Variants in FKBP9 observed in about 807,000 individuals in gnomAD.
The protein encoded by FKBP9 is peptidyl-prolyl cis-trans isomerase FKBP9.
FKBP9 carries 27 observed loss-of-function variants against 55.6 expected under a neutral mutation model. The ratio of observed to expected loss-of-function variants is 0.49; its 90% CI spans 0.36 to 0.67. The LOEUF (loss-of-function observed/expected upper bound fraction) is 0.67, where lower values mean the gene tolerates loss of function less well. Among genes scored for constraint, FKBP9 ranks in the 30% least tolerant of loss-of-function variants. FKBP9 has a pLI of 0.00. For missense variants in FKBP9, 539 were observed against 742.8 expected, an observed-to-expected ratio of 0.73 and a Z score of 3.19; for synonymous variants, 267 against 296.5, an observed-to-expected ratio of 0.90 and a Z score of 1.02.
intron 6 of FKBP9, among the ~76,000 whole-genome samples, chr7:32,994,825 C>T (rs1784753390): frequency 1.3e-5 from 2 of 151,776 alleles, no homozygotes; most frequent in African/African-American, 4.8e-5. Flanking sequence ...AGGAGAGAGA[C>T]CAATCAAGAA....
chr7:32,965,403 T>A (rs543117722), intron 1 of FKBP9, among the ~76,000 whole-genome samples: 1 of 152,200 alleles, frequency 6.6e-6, no homozygotes, highest in South Asian at 2.1e-4. Flanking sequence ...CGTGCTGGGA[T>A]TACCGCTTGA....
chr7:33,001,462 G>T (rs1784931351), intron 8 of FKBP9, among the ~76,000 whole-genome samples: 1 of 152,006 alleles, frequency 6.6e-6, no homozygotes, highest in Non-Finnish European at 1.5e-5. Flanking sequence ...GTGAACCCAG[G>T]AGGTGGAGCT....
Position 32,996,201 on chromosome 7 carries a change from C to G in FKBP9, c.1078C>G (p.His360Asp). ...PGSAVLVFDI[H>D]VIDFHNPSDS... ...CTCGGCTGTGCTGGTGTTTGACATC[C>G]ATGTGATCGACTTCCACAACCCTTC... Residue 360 changes from histidine to aspartate, a missense_variant, in exon 7 of 10, where the codon CAT becomes GAT. Around this residue, in one of 4 missense-constraint regions of FKBP9, gnomAD observed 172 missense variants for 205.3 expected, o/e 0.84. Coordinates refer to ENST00000242209, the MANE Select transcript of FKBP9 (RefSeq NM_007270.5). 1 of 1,614,204 alleles carries G rather than the reference C, an allele frequency of 6.2e-7. No homozygotes were observed. The highest frequency in any genetic ancestry group is 8.5e-7 in the Non-Finnish European group (1 of 1,180,034).
intron 5 of FKBP9, among the ~76,000 whole-genome samples, chr7:32,984,577 T>C (rs1784540839): frequency 6.6e-6 from 1 of 152,190 alleles, no homozygotes; most frequent in Non-Finnish European, 1.5e-5. Context: ...ATGTCCTAAT[T>C]GCATAATGGA....
In FKBP9 at chr7:32,983,114, C is replaced by T. The variant is rs575349114; in HGVS notation, c.893+2561C>T. 2.6e-5 allele frequency among the ~76,000 whole-genome samples: 4 copies of T among 151,808 alleles called. 1 individual carries two copies. Among genetic ancestry groups the T allele is most frequent in the South Asian group, 4.2e-4 (2 of 4,790 alleles). ...TCTCAGCACACTGCAACCTCCGTCT[C>T]GTGGGTTCAAGCGATTCTCGTGTCT... On this transcript the variant is annotated intron_variant, in intron 5 of 9. Transcript: ENST00000242209.
intron 7 of FKBP9, among the ~76,000 whole-genome samples, chr7:32,998,979 A>G (rs909619325): frequency 6.6e-6 from 1 of 152,234 alleles, no homozygotes; most frequent in Non-Finnish European, 1.5e-5. Context: ...TCAAGGAGGA[A>G]GAAGAAACAT....
chr7:32,991,423 C>T (rs1583864425), intron 6 of FKBP9, among the ~76,000 whole-genome samples: 1 of 152,124 alleles, frequency 6.6e-6, no homozygotes, highest in African/African-American at 2.4e-5. Context: ...CCCTTGGCCT[C>T]TTTGTGGGGG....
chr7:32,976,026 G>C (rs1213863236), intron 3 of FKBP9, among the ~76,000 whole-genome samples: 1 of 152,200 alleles, frequency 6.6e-6, no homozygotes, highest in Non-Finnish European at 1.5e-5. Context: ...AGAGGGAAAA[G>C]ATGAATGTAT....
intron 1 of FKBP9, among the ~76,000 whole-genome samples, chr7:32,966,401 G>T (rs1165317778): frequency 6.6e-6 from 1 of 152,114 alleles, no homozygotes; most frequent in African/African-American, 2.4e-5. Flanking sequence ...GTGATGGAAG[G>T]GGATAAAAAC....
chr7:33,001,238 C>T (rs971218147), intron 8 of FKBP9, among the ~76,000 whole-genome samples: 6 of 152,100 alleles, frequency 3.9e-5, no homozygotes, highest in African/African-American at 1.4e-4. Flanking sequence ...CCAGAAGAAA[C>T]GCTTTAAAAA....
chr7:32,961,449 C>T (rs2127975483), intron 1 of FKBP9, among the ~76,000 whole-genome samples: 1 of 152,250 alleles, frequency 6.6e-6, no homozygotes, highest in South Asian at 2.1e-4. Flanking sequence ...GACAAGTTCC[C>T]AGCTGATGCT....
chr7:32,998,319 T>A (rs1404231594), intron 7 of FKBP9, among the ~76,000 whole-genome samples: 1 of 151,990 alleles, frequency 6.6e-6, no homozygotes, highest in East Asian at 1.9e-4. Context: ...TGTCCGCTGA[T>A]CCTGAGGCTG....
intron 4 of FKBP9, among the ~76,000 whole-genome samples, chr7:32,978,140 T>G (rs1227451027): frequency 6.6e-6 from 1 of 151,784 alleles, no homozygotes; most frequent in Admixed American, 6.6e-5. Flanking sequence ...CAGACTTGTC[T>G]CAAACTGCTG....
At chr7:32,981,871 T>G (rs1304025071) in intron 5 of FKBP9, among the ~76,000 whole-genome samples, 2 of 140,274 alleles carry the variant, frequency 1.4e-5, no homozygotes, top group Non-Finnish European at 1.5e-5. Flanking sequence ...CACTCCAGCC[T>G]GGGCAACAGA....
At chr7:32,965,569 G>C (rs1036234231) in intron 1 of FKBP9, among the ~76,000 whole-genome samples, 11 of 151,642 alleles carry the variant, frequency 7.3e-5, no homozygotes, top group African/African-American at 2.7e-4. Flanking sequence ...GGGAGGCCGA[G>C]GCAGGTGGAT....
intron 6 of FKBP9, among the ~76,000 whole-genome samples, chr7:32,992,563 T>G (rs1315513981): frequency 2.0e-5 from 3 of 152,236 alleles, no homozygotes; most frequent in Non-Finnish European, 4.4e-5. Flanking sequence ...CACGTTGGAC[T>G]ATTTCTGCCC....
chr7:32,996,895 C>T lies in FKBP9; in HGVS notation c.1226+546C>T, dbSNP rs960493133. 6.0e-4 allele frequency among the ~76,000 whole-genome samples: 88 copies of T among 147,724 alleles called. 1 individual carries two copies. The highest frequency in any genetic ancestry group is 2.0e-3 in the African/African-American group (78 of 39,748). ...CTGCAAGCTCCGCTTCCCGGGTTCA[C>T]GCCATTCTCCTGCCTCAGCCTCCCT... is the stretch of plus-strand genomic sequence containing the variant. On this transcript the variant is annotated intron_variant, in intron 7 of 9. Coordinates refer to ENST00000242209, the MANE Select transcript of FKBP9 (RefSeq NM_007270.5).
chr7:33,000,661 C>T (rs1784913174), intron 8 of FKBP9, among the ~76,000 whole-genome samples: 1 of 151,912 alleles, frequency 6.6e-6, no homozygotes, highest in South Asian at 2.1e-4. Flanking sequence ...CTGTCCAAGA[C>T]AGTTTCCTTT....
rs540028692 is a variant in FKBP9, at chr7:32,969,948, C to T, written c.222-4669C>T. ...CCGGGAGGCAGAAGTTGCAGTGAGC[C>T]GAGATTGCACCACTGCACTCTAGCC... On this transcript the variant is annotated intron_variant, in intron 1 of 9. Coordinates refer to ENST00000242209, the MANE Select transcript of FKBP9 (RefSeq NM_007270.5). Among the ~76,000 whole-genome samples the T allele has an allele frequency of 2.6e-4, 40 of 151,744 alleles. 1 individual carries two copies. Among genetic ancestry groups the T allele is most frequent in the Non-Finnish European group, 5.2e-4 (35 of 67,952 alleles).
Sources: gnomAD v4.1 joint callset for allele counts (sites outside exome capture counted in the v4.1 genomes callset) on GRCh38, gnomAD v4.1.1 for gene constraint, gnomAD v4.1.1 regional missense constraint, MANE v1.5 for transcripts, NCBI Gene and HGNC (gene_info 2026-07-23, HGNC 2026-07-21) for gene names.